The following SLC35F4 variants were observed in gnomAD, a reference collection of about 807,000 sequenced individuals.
SLC35F4 encodes solute carrier family 35 member F4.
Under a neutral mutation model 44.2 loss-of-function variants are expected in SLC35F4, and 24 were observed. The observed-to-expected ratio is 0.54, with a 90% CI of 0.39 to 0.76. The LOEUF is 0.76. SLC35F4 is among the 30% of genes least tolerant of loss of function. The pLI is 0.00. For missense variants in SLC35F4, 562 were observed against 586.1 expected, an observed-to-expected ratio of 0.96 and a Z score of 0.42; for synonymous variants, 238 against 223.6, an observed-to-expected ratio of 1.06 and a Z score of -0.57.
chr14:57,589,188 C>T, intron 3 of SLC35F4, 28 bp downstream of exon 3: 2 of 1,571,166 alleles, frequency 1.3e-6, no homozygotes, highest in South Asian at 2.4e-5. Flanking sequence ...TCAATGATCT[C>T]TTATTGGGCA....
chr14:57,947,254 T>TG (rs917850733), intron 1 of SLC35F4, among the ~76,000 whole-genome samples: 8 of 150,616 alleles, frequency 5.3e-5, no homozygotes, highest in African/African-American at 1.7e-4. Flanking sequence ...GTTTTTTGTT[T>TG]TTTTTTTTTT....
intron 1 of SLC35F4, among the ~76,000 whole-genome samples, chr14:57,753,275 A>G (rs1353510468): frequency 6.6e-6 from 1 of 152,170 alleles, no homozygotes; most frequent in Non-Finnish European, 1.5e-5. Flanking sequence ...CCTCCAAAGG[A>G]GCTGCCATGT....
chr14:57,837,598 G>A (rs763623115), intron 1 of SLC35F4: 4 of 152,060 alleles, frequency 2.6e-5, no homozygotes, highest in Non-Finnish European at 5.9e-5. Context: ...TAGCCAACCC[G>A]GCTGAATAGA....
chr14:57,853,776 G>A (rs1422419087), intron 1 of SLC35F4, among the ~76,000 whole-genome samples: 1 of 152,138 alleles, frequency 6.6e-6, no homozygotes. Context: ...AGAGATGAAA[G>A]ACAGAGCAAG....
intron 1 of SLC35F4, among the ~76,000 whole-genome samples, chr14:57,667,844 T>C (rs1457566983): frequency 1.3e-5 from 2 of 150,032 alleles, no homozygotes; most frequent in Non-Finnish European, 3.0e-5. Flanking sequence ...TTTGGGTATA[T>C]ACCCAGTAAT....
intron 4 of SLC35F4, among the ~76,000 whole-genome samples, chr14:57,575,033 G>T (rs2068709538): frequency 6.6e-6 from 1 of 152,110 alleles, no homozygotes; most frequent in African/African-American, 2.4e-5. Context: ...AACCACTAAA[G>T]TGCTCCTGGG....
At chr14:57,776,883 C>A (rs1471997662) in intron 1 of SLC35F4, among the ~76,000 whole-genome samples, 1 of 152,004 alleles carries the variant, frequency 6.6e-6, no homozygotes, top group Non-Finnish European at 1.5e-5. Context: ...AAATAAGATC[C>A]TTTTCAGACA....
intron 1 of SLC35F4, among the ~76,000 whole-genome samples, chr14:57,610,563 G>A (rs886245356): frequency 2.6e-5 from 4 of 152,068 alleles, no homozygotes; most frequent in Non-Finnish European, 4.4e-5. Context: ...CTAACCCTTC[G>A]GTTTCTCTCA....
intron 1 of SLC35F4, among the ~76,000 whole-genome samples, chr14:57,680,949 G>A (rs1341362381): frequency 6.6e-6 from 1 of 152,058 alleles, no homozygotes; most frequent in African/African-American, 2.4e-5. Flanking sequence ...ACTGCCCAAA[G>A]TGATTTATAA....
rs973979557 is a variant in SLC35F4 at position 57,909,185 on chromosome 14, C to A, written n.282+72728G>T. 3.9e-5 allele frequency among the ~76,000 whole-genome samples: 6 copies of A among 152,090 alleles called. 1 individual carries two copies. The highest frequency in any genetic ancestry group is 1.4e-4 in the African/African-American group (6 of 41,432). ...TAGTGAAAATGACAGAGAATTCCTG[C>A]ACACCATCTGTTTTTGCACATGGAC... On this transcript the variant is annotated intron_variant and non_coding_transcript_variant, in intron 1 of 1. Coordinates refer to the SLC35F4 transcript ENST00000556568.
chr14:57,671,372 T>C (rs2074517493), intron 1 of SLC35F4, among the ~76,000 whole-genome samples: 1 of 151,934 alleles, frequency 6.6e-6, no homozygotes, highest in Non-Finnish European at 1.5e-5. Context: ...GGACTTTGTC[T>C]TTCATCTAGG....
At chr14:57,953,406 T>C (rs1890177271) in intron 1 of SLC35F4, among the ~76,000 whole-genome samples, 1 of 152,178 alleles carries the variant, frequency 6.6e-6, no homozygotes, top group South Asian at 2.1e-4. Flanking sequence ...AGCACCATAA[T>C]GACAGGATCA....
chr14:57,620,729 T>A (rs2072130903), intron 1 of SLC35F4, among the ~76,000 whole-genome samples: 1 of 152,154 alleles, frequency 6.6e-6, no homozygotes, highest in Non-Finnish European at 1.5e-5. Context: ...GTTTTTAGCA[T>A]GAAGGGTTGT....
chr14:57,854,299 T>C (rs1886869492), intron 1 of SLC35F4, among the ~76,000 whole-genome samples: 1 of 152,136 alleles, frequency 6.6e-6, no homozygotes, highest in Non-Finnish European at 1.5e-5. Flanking sequence ...TGTCTTGAAG[T>C]AGTTAAATGC....
At chr14:57,648,429 A>G (rs906660147) in intron 1 of SLC35F4, among the ~76,000 whole-genome samples, 1 of 152,216 alleles carries the variant, frequency 6.6e-6, no homozygotes, top group African/African-American at 2.4e-5. Flanking sequence ...ACATAAAATA[A>G]AAATTCAAAA....
At chr14:57,798,622 T>G (rs2078111517) in intron 1 of SLC35F4, among the ~76,000 whole-genome samples, 1 of 152,208 alleles carries the variant, frequency 6.6e-6, no homozygotes, top group Admixed American at 6.5e-5. Flanking sequence ...AGCACACACC[T>G]GCTGAAGAGA....
intron 1 of SLC35F4, among the ~76,000 whole-genome samples, chr14:57,803,738 T>G (rs1373425695): frequency 1.3e-5 from 2 of 151,828 alleles, no homozygotes; most frequent in Non-Finnish European, 2.9e-5. Context: ...CACAGGCGCT[T>G]GACACCGTGC....
intron 4 of SLC35F4, 42 bp from the exon 5 acceptor site, chr14:57,572,061 T>C: frequency 6.3e-7 from 1 of 1,586,690 alleles, no homozygotes; most frequent in Non-Finnish European, 8.6e-7. Flanking sequence ...CAATGATCCC[T>C]CTGTATCCTA....
At chr14:57,822,800 T>C (rs775094356) in intron 1 of SLC35F4, among the ~76,000 whole-genome samples, 1 of 152,132 alleles carries the variant, frequency 6.6e-6, no homozygotes, top group Non-Finnish European at 1.5e-5. Flanking sequence ...TTGAGGTCAA[T>C]TTTTTTCTCC....
Sources: gnomAD v4.1 joint callset for allele counts (sites outside exome capture counted in the v4.1 genomes callset) on GRCh38, gnomAD v4.1.1 for gene constraint, MANE v1.5 for transcripts, NCBI Gene and HGNC (gene_info 2026-07-23, HGNC 2026-07-21) for gene names.